The following SBF2 variants were observed in gnomAD, a reference collection of about 807,000 sequenced individuals.
SBF2 encodes the protein SET binding factor 2, also known as myotubularin-related protein 13.
SBF2 carries 112 observed loss-of-function variants against 225.2 expected under a neutral mutation model. That is an observed-to-expected ratio of 0.50 (90% CI 0.43 to 0.58). The LOEUF is 0.58. SBF2 is among the 20% of genes least tolerant of loss of function. The pLI is 0.00. For missense variants in SBF2, 1,996 were observed against 2,206.2 expected (o/e 0.90, Z 1.91); for synonymous variants, 763 against 773.3 (o/e 0.99, Z 0.22).
chr11:10,204,538 C>G (rs1354787196), intron 1 of SBF2, among the ~76,000 whole-genome samples: 1 of 150,012 alleles, frequency 6.7e-6, no homozygotes, highest in East Asian at 2.0e-4. Context: ...ACTCAGGAGG[C>G]TGAGGCAGGA....
rs564081367 is a variant in SBF2 at position 10,303,979 on chromosome 11, G to C, written n.386+513C>G. Among the ~76,000 whole-genome samples the C allele has an allele frequency of 2.0e-5, 3 of 152,316 alleles. No homozygotes were observed. The highest frequency in any genetic ancestry group is 2.0e-4 in the Admixed American group (3 of 15,290). On this transcript the variant is annotated intron_variant and non_coding_transcript_variant, in intron 1 of 5. Coordinates refer to the SBF2 transcript ENST00000685217. The surrounding 1 kb of genome is among the most constrained non-coding windows in gnomAD (Gnocchi z 5.2). Reference sequence around the variant, plus strand: ...TTGAGAAGTTGGTGACCCCAGCCTAGAGGAATCCACGCCGCGCCCCAGTCG... The same window carrying C: ...TTGAGAAGTTGGTGACCCCAGCCTACAGGAATCCACGCCGCGCCCCAGTCG...
At chr11:9,787,915 T>C in intron 35 of SBF2, 177 bp from the exon 36 acceptor site, 2 of 656,266 alleles carry the variant, frequency 3.0e-6, no homozygotes, top group East Asian at 2.7e-5. Flanking sequence ...AGAGCTCTAG[T>C]TGGTGTGCCG....
In SBF2 at chr11:10,223,300, C is replaced by T. The variant is rs1276800669; in HGVS notation, c.56-29313G>A. On this transcript the variant is annotated intron_variant, in intron 1 of 39. Transcript: ENST00000256190. ...TAGGAACCCCAACCCCTAGAGCCGT[C>T]AAAAATCTGCACATAACTTTTAACT... Among the ~76,000 whole-genome samples, 3 of 150,046 alleles carry T rather than the reference C, an allele frequency of 2.0e-5. No individual in the cohort carries two copies. The South Asian group carries it at 6.3e-4, about 32-fold the overall frequency.
At chr11:10,295,587 CA>C (rs397938160), upstream of SBF2, among the ~76,000 whole-genome samples, 54 of 142,704 alleles carry the variant, frequency 3.8e-4, no homozygotes, top group Admixed American at 6.3e-4. Context: ...ATAATTAAAC[CA>C]AAAAAAAAAA....
In SBF2 at chr11:9,787,666, C is replaced by T. The variant is rs757185849; in HGVS notation, c.5005G>A (p.Val1669Met). The change falls in exon 36 of 40, where the codon GTG becomes ATG. Residue 1669 changes from valine (V) to methionine (M), a missense_variant. Transcript: ENST00000256190. ...KWQQLWERVTVDLKEEPRTDR... is the reference protein window; with the variant it reads ...KWQQLWERVTMDLKEEPRTDR... The stretch of plus-strand genomic sequence containing the variant: ...GTTCTTGGTTCTTCTTTAAGGTCCA[C>T]GGTTACCCTTTCCCACAGCTGCTGC... The T allele has an allele frequency of 6.8e-5, 110 of 1,614,070 alleles. No homozygotes were observed. The East Asian group carries it at 1.2e-3, about 17-fold the overall frequency.
intron 6 of SBF2, among the ~76,000 whole-genome samples, chr11:10,023,443 C>T (rs1042738742): frequency 9.9e-5 from 15 of 151,992 alleles, no homozygotes; most frequent in Non-Finnish European, 1.6e-4. Context: ...AGTGTAGTCA[C>T]GAGGTTGTAC....
At chr11:9,832,116 G>T in intron 27 of SBF2, 108 bp downstream of exon 27, 2 of 955,936 alleles carry the variant, frequency 2.1e-6, no homozygotes, top group Non-Finnish European at 3.3e-6. Flanking sequence ...AAGTTTGTGT[G>T]TGAGACAAGA....
intron 24 of SBF2, among the ~76,000 whole-genome samples, chr11:9,844,673 G>A (rs2133966815): frequency 6.6e-6 from 1 of 152,232 alleles, no homozygotes; most frequent in East Asian, 1.9e-4. Flanking sequence ...TGTGAATATA[G>A]ACTCTGGGTT....
At chr11:10,173,924 A>C (rs1280604196) in intron 2 of SBF2, among the ~76,000 whole-genome samples, 2 of 151,912 alleles carry the variant, frequency 1.3e-5, no homozygotes, top group Non-Finnish European at 2.9e-5. Flanking sequence ...AGGGCCGGGT[A>C]CTCCAACAGA....
At chr11:10,272,845 C>T (rs1272243598) in intron 1 of SBF2, among the ~76,000 whole-genome samples, 2 of 151,668 alleles carry the variant, frequency 1.3e-5, no homozygotes, top group Non-Finnish European at 2.9e-5. Context: ...CCCAGGTGGA[C>T]AGATCACCTG....
Position 10,299,571 on chromosome 11 carries a change from C to A in SBF2, n.386+4921G>T, listed in dbSNP as rs369632082. 5.9e-5 allele frequency among the ~76,000 whole-genome samples: 9 copies of A among 152,304 alleles called. No homozygotes were observed. The East Asian group carries it at 1.3e-3, about 23-fold the overall frequency. On this transcript the variant is annotated intron_variant and non_coding_transcript_variant, in intron 1 of 5. Transcript: ENST00000685217. Reference sequence around the variant, plus strand: ...AAATGAAAATGTAGGACTGCCTGTTCAGAAATGTTGGAGAATTTCAAAACA... The same window carrying A: ...AAATGAAAATGTAGGACTGCCTGTTAAGAAATGTTGGAGAATTTCAAAACA...
intron 16 of SBF2, among the ~76,000 whole-genome samples, chr11:9,933,837 C>T (rs1204969004): frequency 6.6e-6 from 1 of 152,054 alleles, no homozygotes; most frequent in African/African-American, 2.4e-5. Flanking sequence ...GATAGAGACA[C>T]AAAAAACCTT....
intron 9 of SBF2, among the ~76,000 whole-genome samples, chr11:9,996,114 G>C (rs1357662472): frequency 6.6e-6 from 1 of 152,086 alleles, no homozygotes; most frequent in South Asian, 2.1e-4. Flanking sequence ...TTAGGTATAC[G>C]AGTATGCAGC....
chr11:10,071,972 C>CAATG (rs1950899051), intron 2 of SBF2, among the ~76,000 whole-genome samples: 1 of 152,136 alleles, frequency 6.6e-6, no homozygotes, highest in South Asian at 2.1e-4. Context: ...CCGCCCAACC[C>CAATG]AATGATGTGG....
chr11:9,986,121 C>T (rs1266280821), intron 13 of SBF2, among the ~76,000 whole-genome samples: 1 of 151,978 alleles, frequency 6.6e-6, no homozygotes, highest in Non-Finnish European at 1.5e-5. Flanking sequence ...GAAATTGACG[C>T]CAAAAGGAAC....
At chr11:10,176,742 A>T (rs937324587) in intron 2 of SBF2, among the ~76,000 whole-genome samples, 1 of 152,232 alleles carries the variant, frequency 6.6e-6, no homozygotes, top group Non-Finnish European at 1.5e-5. Context: ...ATGGATTCAC[A>T]GCCGAATTGT....
At chr11:10,279,389 G>A (rs1963236214) in intron 1 of SBF2, among the ~76,000 whole-genome samples, 1 of 149,680 alleles carries the variant, frequency 6.7e-6, no homozygotes, top group Admixed American at 6.7e-5. Flanking sequence ...CTCCAGCCTG[G>A]GCAACAAGAG....
chr11:10,042,821 T>C (rs750744098), intron 3 of SBF2, 23 bp downstream of exon 3: 1 of 1,612,728 alleles, frequency 6.2e-7, no homozygotes, highest in African/African-American at 1.3e-5. Context: ...CGACTGTACT[T>C]TAGCTAGTAA....
At chr11:10,149,610 C>T (rs1955072791) in intron 2 of SBF2, 1 of 152,174 alleles carries the variant, frequency 6.6e-6, no homozygotes, top group Non-Finnish European at 1.5e-5. Context: ...TTCTAGCCAT[C>T]CCAATATGCT....
Sources: allele counts gnomAD v4.1 joint callset (sites outside exome capture counted in the v4.1 genomes callset), GRCh38; gene constraint gnomAD v4.1.1; non-coding constraint Gnocchi (gnomAD v3.1); transcripts MANE v1.5; gene names NCBI Gene and HGNC (gene_info 2026-07-23, HGNC 2026-07-21).